The following TNRC6A variants were observed in gnomAD, a reference collection of about 807,000 sequenced individuals.
The protein encoded by TNRC6A is trinucleotide repeat-containing gene 6A protein.
A neutral mutation model predicts 221.2 loss-of-function variants in TNRC6A; 44 were observed. That is an observed-to-expected ratio of 0.20 (90% CI 0.16 to 0.26). TNRC6A has a LOEUF of 0.26. TNRC6A is among the 10% of genes least tolerant of loss of function. TNRC6A has a pLI of 1.00. For synonymous variants in TNRC6A, 847 were observed against 838.5 expected (o/e 1.01, Z -0.18); for missense variants, 2,199 against 2,404.4 (o/e 0.91, Z 1.79).
chr16:24,626,874 G>A (rs1037298664), intron 1 of TNRC6A, among the ~76,000 whole-genome samples: 4 of 150,560 alleles, frequency 2.7e-5, no homozygotes, highest in African/African-American at 9.8e-5. Flanking sequence ...GGAAGGTCTC[G>A]ATCTCCTGAC....
At chr16:24,715,528 T>C in intron 2 of TNRC6A, among the ~76,000 whole-genome samples, 1 of 152,124 alleles carries the variant, frequency 6.6e-6, no homozygotes, top group East Asian at 1.9e-4. Context: ...TCAGAAATTA[T>C]TCCAAGCTCT....
At chr16:24,699,054 A>G (rs1209834487) in intron 2 of TNRC6A, among the ~76,000 whole-genome samples, 1 of 152,156 alleles carries the variant, frequency 6.6e-6, no homozygotes, top group Non-Finnish European at 1.5e-5. Flanking sequence ...CAGAGCGGGT[A>G]TTGAATGGAT....
At chr16:24,640,862 A>G (rs1567317597) in intron 1 of TNRC6A, 1 of 152,228 alleles carries the variant, frequency 6.6e-6, no homozygotes, top group Non-Finnish European at 1.5e-5. Flanking sequence ...CACTAATCTA[A>G]TGCAACCTCT....
At chr16:24,775,036 G>C (rs1029151862) in intron 4 of TNRC6A, among the ~76,000 whole-genome samples, 1 of 152,196 alleles carries the variant, frequency 6.6e-6, no homozygotes, top group African/African-American at 2.4e-5. Context: ...ACACATGGAT[G>C]TGGAGGGCTG....
chr16:24,690,502 C>G (rs1037026841), intron 2 of TNRC6A, among the ~76,000 whole-genome samples: 1 of 151,928 alleles, frequency 6.6e-6, no homozygotes, highest in Non-Finnish European at 1.5e-5. Flanking sequence ...AATAAAATAG[C>G]CTTAATATTC....
At chr16:24,802,600 A>G (rs994672319) in intron 11 of TNRC6A, among the ~76,000 whole-genome samples, 9 of 152,202 alleles carry the variant, frequency 5.9e-5, no homozygotes, top group Non-Finnish European at 1.2e-4. Flanking sequence ...GCAGGCAGGT[A>G]AAAATGTGGG....
chr16:24,622,147 TG>T, intron 1 of TNRC6A, among the ~76,000 whole-genome samples: 1 of 152,214 alleles, frequency 6.6e-6, no homozygotes, highest in South Asian at 2.1e-4. Context: ...TGGCCAGCCA[TG>T]GTGGCTCATG....
chr16:24,686,488 A>G (rs1190055819), intron 2 of TNRC6A, among the ~76,000 whole-genome samples: 5 of 152,040 alleles, frequency 3.3e-5, no homozygotes, highest in African/African-American at 1.2e-4. Flanking sequence ...TTTGCTAAGA[A>G]TATTTCTAAA....
intron 4 of TNRC6A, among the ~76,000 whole-genome samples, chr16:24,767,152 G>A (rs1329443637): frequency 6.6e-6 from 1 of 152,182 alleles, no homozygotes; most frequent in Non-Finnish European, 1.5e-5. Flanking sequence ...TATATATGAA[G>A]TCATTCTGAG....
At chr16:24,655,699 A>G (rs1392426554) in intron 2 of TNRC6A, among the ~76,000 whole-genome samples, 1 of 152,168 alleles carries the variant, frequency 6.6e-6, no homozygotes, top group Non-Finnish European at 1.5e-5. Context: ...CAAAAAAAAA[A>G]GAGTATTTCG....
At chr16:24,626,204 A>G (rs1253679936) in intron 1 of TNRC6A, among the ~76,000 whole-genome samples, 4 of 151,764 alleles carry the variant, frequency 2.6e-5, no homozygotes, top group Non-Finnish European at 4.4e-5. Flanking sequence ...TATTTTTTAA[A>G]CCCTCTTCAG....
chr16:24,663,786 C>T (rs1273264157), intron 2 of TNRC6A: 1 of 383,304 alleles, frequency 2.6e-6, no homozygotes, highest in Non-Finnish European at 5.2e-6. Flanking sequence ...CCAGCCCCTC[C>T]AGAGGTCAGG....
intron 5 of TNRC6A, among the ~76,000 whole-genome samples, chr16:24,786,977 G>A (rs567735090): frequency 3.3e-5 from 5 of 152,256 alleles, no homozygotes; most frequent in East Asian, 3.9e-4. Context: ...CACGGCGCCC[G>A]GCCTGGTACT....
At position 24,794,598 on chromosome 16, in the gene TNRC6A, A is replaced by G. The variant is rs1340635901; in HGVS notation, c.3407A>G (p.Asn1136Ser). 1.9e-6 allele frequency: 3 copies of G among 1,614,112 alleles called. No homozygotes were observed. Among genetic ancestry groups the G allele is most frequent in the South Asian group, 1.1e-5 (1 of 91,070 alleles). The change falls in exon 8 of 25, where the codon AAT becomes AGT. Residue 1136 changes from asparagine (N) to serine (S), a missense_variant. Transcript: ENST00000395799. The part of the protein sequence containing the change: ...WCGDDMPLPG[N>S]RPTGWEEEED... ...GGTGATGATATGCCATTGCCTGGAAATCGCCCCACTGGCTGGGAAGAGGAA... is the reference window on the plus strand; with the variant it reads ...GGTGATGATATGCCATTGCCTGGAAGTCGCCCCACTGGCTGGGAAGAGGAA...
intron 2 of TNRC6A, among the ~76,000 whole-genome samples, chr16:24,658,432 G>T (rs2141893666): frequency 6.6e-6 from 1 of 152,244 alleles, no homozygotes; most frequent in Middle Eastern, 3.4e-3. Flanking sequence ...CACGGTCTTG[G>T]CTCACTGCAA....
intron 18 of TNRC6A, among the ~76,000 whole-genome samples, chr16:24,814,401 T>TTTTTTTTC (rs148383011): frequency 0.53 from 65,883 of 124,312 alleles, 18,146 homozygotes; most frequent in African/African-American, 0.6. Flanking sequence ...TTCTTTTCTT[T>TTTTTTTTC]TTTTTTTCTT....
At chr16:24,632,483 G>A (rs370692519) in intron 1 of TNRC6A, among the ~76,000 whole-genome samples, 1 of 152,128 alleles carries the variant, frequency 6.6e-6, no homozygotes, top group East Asian at 1.9e-4. Context: ...CAAACATATT[G>A]CCTGGCTATT....
At chr16:24,661,040 C>T (rs939928564) in intron 2 of TNRC6A, among the ~76,000 whole-genome samples, 4 of 152,106 alleles carry the variant, frequency 2.6e-5, no homozygotes, top group African/African-American at 9.6e-5. Flanking sequence ...CACGCCCTGC[C>T]CAGCTTTCTT....
chr16:24,650,388 G>A (rs1249236396), intron 2 of TNRC6A, among the ~76,000 whole-genome samples: 2 of 152,200 alleles, frequency 1.3e-5, no homozygotes, highest in Non-Finnish European at 2.9e-5. Context: ...GGTTTGGCCA[G>A]GTGCAGTGGC....
Sources: gnomAD v4.1 joint callset for allele counts (sites outside exome capture counted in the v4.1 genomes callset) on GRCh38, gnomAD v4.1.1 for gene constraint, MANE v1.5 for transcripts, NCBI Gene and HGNC (gene_info 2026-07-23, HGNC 2026-07-21) for gene names.